Variants in NKAIN2 observed in about 807,000 individuals in gnomAD.
NKAIN2 encodes sodium/potassium-transporting ATPase subunit beta-1-interacting protein 2.
Under a neutral mutation model 32.6 loss-of-function variants are expected in NKAIN2, and 14 were observed. The observed-to-expected ratio is 0.43, with a 90% CI of 0.28 to 0.67. The LOEUF is 0.67. Among genes scored for constraint, NKAIN2 ranks in the 30% least tolerant of loss-of-function variants. The pLI is 0.17. For missense variants in NKAIN2, 198 were observed against 258.3 expected, an observed-to-expected ratio of 0.77 and a Z score of 1.60; for synonymous variants, 80 against 87.2, an observed-to-expected ratio of 0.92 and a Z score of 0.46.
At chr6:124,711,257 C>G (rs1405301281) in intron 4 of NKAIN2, among the ~76,000 whole-genome samples, 31 of 77,182 alleles carry the variant, frequency 4.0e-4, no homozygotes, top group Admixed American at 1.4e-3. Context: ...TCTGGCTGCG[C>G]TTAACATTTT....
chr6:124,169,254 T>A (rs1788726771), intron 1 of NKAIN2, among the ~76,000 whole-genome samples: 1 of 152,206 alleles, frequency 6.6e-6, no homozygotes, highest in Admixed American at 6.6e-5. Flanking sequence ...CAAAAATTTA[T>A]TTCTCTTAGA....
intron 3 of NKAIN2, among the ~76,000 whole-genome samples, chr6:124,561,925 C>T (rs569313230): frequency 2.6e-5 from 4 of 152,262 alleles, no homozygotes; most frequent in South Asian, 2.1e-4. Flanking sequence ...GCATATGGTA[C>T]CTTACATTCA....
At chr6:123,848,155 G>A (rs960314980) in intron 1 of NKAIN2, among the ~76,000 whole-genome samples, 1 of 152,292 alleles carries the variant, frequency 6.6e-6, no homozygotes. Context: ...CTGTTATCGT[G>A]TGGCTGAAAG....
At chr6:123,894,625 A>G (rs565288848) in intron 1 of NKAIN2, among the ~76,000 whole-genome samples, 3 of 152,298 alleles carry the variant, frequency 2.0e-5, no homozygotes, top group African/African-American at 7.2e-5. Context: ...TCATGGAGAA[A>G]GAGAATGAGT....
chr6:124,168,072 T>C (rs1020122236), intron 1 of NKAIN2, among the ~76,000 whole-genome samples: 1 of 152,218 alleles, frequency 6.6e-6, no homozygotes, highest in Non-Finnish European at 1.5e-5. Flanking sequence ...ATTTGAATCA[T>C]AGGTGAAGAG....
At chr6:124,101,446 AC>A (rs1472979824) in intron 1 of NKAIN2, among the ~76,000 whole-genome samples, 1 of 152,214 alleles carries the variant, frequency 6.6e-6, no homozygotes, top group African/African-American at 2.4e-5. Flanking sequence ...AGGAAATCAG[AC>A]ATCTAATTAG....
chr6:124,418,069 C>T (rs767699139), intron 3 of NKAIN2, among the ~76,000 whole-genome samples: 10 of 152,028 alleles, frequency 6.6e-5, no homozygotes, highest in Non-Finnish European at 1.2e-4. Context: ...AGTTCAGCAG[C>T]TTGAGAGACT....
At chr6:124,251,977 G>C (rs541131467) in intron 1 of NKAIN2, among the ~76,000 whole-genome samples, 1 of 152,046 alleles carries the variant, frequency 6.6e-6, no homozygotes, top group African/African-American at 2.4e-5. Context: ...TAATTATCCT[G>C]ATTTGATCAC....
At chr6:124,414,536 C>T (rs1319153262) in intron 3 of NKAIN2, among the ~76,000 whole-genome samples, 1 of 152,078 alleles carries the variant, frequency 6.6e-6, no homozygotes, top group Non-Finnish European at 1.5e-5. Flanking sequence ...GGGAGATAGT[C>T]CTTCCACTTA....
intron 1 of NKAIN2, among the ~76,000 whole-genome samples, chr6:123,869,749 C>A (rs185058482): frequency 4.6e-5 from 7 of 152,212 alleles, no homozygotes; most frequent in Admixed American, 3.9e-4. Context: ...GTCCATGATA[C>A]CCACTTAGGA....
chr6:124,747,713 A>G (rs1446411320), intron 4 of NKAIN2, among the ~76,000 whole-genome samples: 1 of 151,764 alleles, frequency 6.6e-6, no homozygotes, highest in Non-Finnish European at 1.5e-5. Flanking sequence ...AAGTTTCTCC[A>G]AAGAATTGGG....
chr6:124,325,561 T>A (rs1797376979), intron 2 of NKAIN2, among the ~76,000 whole-genome samples: 1 of 151,984 alleles, frequency 6.6e-6, no homozygotes, highest in African/African-American at 2.4e-5. Flanking sequence ...AATAATACAA[T>A]AAAAGACAAT....
chr6:124,507,781 C>T (rs1159954397), intron 3 of NKAIN2, among the ~76,000 whole-genome samples: 1 of 152,012 alleles, frequency 6.6e-6, no homozygotes, highest in African/African-American at 2.4e-5. Context: ...TGTTGAGTCC[C>T]TGCATTCAGC....
At chr6:124,098,878 T>A (rs1442050630) in intron 1 of NKAIN2, among the ~76,000 whole-genome samples, 1 of 151,292 alleles carries the variant, frequency 6.6e-6, no homozygotes, top group Non-Finnish European at 1.5e-5. Context: ...TCAAGAAAAA[T>A]AATAATAATA....
At chr6:124,621,804 C>G (rs1433431446) in intron 3 of NKAIN2, among the ~76,000 whole-genome samples, 2 of 152,116 alleles carry the variant, frequency 1.3e-5, no homozygotes, top group African/African-American at 4.8e-5. Flanking sequence ...TCTCCCAACT[C>G]TGCAGCTGGA....
At chr6:124,272,442 T>C (rs1794836120) in intron 1 of NKAIN2, among the ~76,000 whole-genome samples, 1 of 152,178 alleles carries the variant, frequency 6.6e-6, no homozygotes, top group Admixed American at 6.5e-5. Context: ...AGCTTGTGGG[T>C]ACTCAGAAGA....
At chr6:124,820,189 CTT>C (rs1404231515) in intron 6 of NKAIN2, among the ~76,000 whole-genome samples, 2 of 152,182 alleles carry the variant, frequency 1.3e-5, no homozygotes, top group Admixed American at 6.5e-5. Context: ...CCTTCACACT[CTT>C]TACCATTCTT....
intron 1 of NKAIN2, among the ~76,000 whole-genome samples, chr6:124,199,650 T>C (rs1450843355): frequency 6.6e-6 from 1 of 152,202 alleles, no homozygotes; most frequent in Non-Finnish European, 1.5e-5. Flanking sequence ...GAATTGGATT[T>C]TCTTAACTGT....
At position 123,911,810 on chromosome 6, in the gene NKAIN2, TATACACACACACAC is replaced by T. The variant is rs1775212257; in HGVS notation, c.54+107558_54+107571del. Reference sequence around the variant, plus strand: ...ATATATATATATATATGTATATATATATACACACACACACACACACACACACACACACACACACA... The same window carrying T: ...ATATATATATATATATGTATATATATACACACACACACACACACACACACA... On this transcript the variant is annotated intron_variant, in intron 1 of 6. Coordinates refer to ENST00000368417, the MANE Select transcript of NKAIN2 (RefSeq NM_001040214.3). Among the ~76,000 whole-genome samples the T allele has an allele frequency of 9.5e-5, 9 of 94,312 alleles. 1 individual carries two copies. Among genetic ancestry groups the T allele is most frequent in the African/African-American group, 2.3e-4 (4 of 17,734 alleles). The allele number at this position is 94,312 out of a possible 152,430, so 61.9% of individuals were successfully genotyped here.
Sources: gnomAD v4.1 joint callset for allele counts (sites outside exome capture counted in the v4.1 genomes callset) on GRCh38, gnomAD v4.1.1 for gene constraint, MANE v1.5 for transcripts, NCBI Gene and HGNC (gene_info 2026-07-23, HGNC 2026-07-21) for gene names.